Variants in PDE4D observed in about 807,000 individuals in gnomAD.
PDE4D encodes the protein 3',5'-cyclic-AMP phosphodiesterase 4D.
In PDE4D, 24 loss-of-function variants were observed where a neutral mutation model predicts 87.4. The observed-to-expected ratio is 0.27, with a 90% CI of 0.20 to 0.39. The LOEUF (loss-of-function observed/expected upper bound fraction) is 0.39. PDE4D is among the 10% of genes least tolerant of loss of function. The pLI is 1.00. For missense variants in PDE4D, 714 were observed against 1,041.0 expected (o/e 0.69, Z 4.32); for synonymous variants, 384 against 383.2 (o/e 1.00, Z -0.02).
intron 6 of PDE4D, among the ~76,000 whole-genome samples, chr5:59,008,824 T>A (rs564626880): frequency 6.6e-6 from 1 of 152,078 alleles, no homozygotes; most frequent in African/African-American, 2.4e-5. Flanking sequence ...AAAATGCATA[T>A]CAAATAAAGG....
At chr5:60,455,595 G>A (rs1746408799) in intron 1 of PDE4D, among the ~76,000 whole-genome samples, 1 of 152,114 alleles carries the variant, frequency 6.6e-6, no homozygotes, top group Admixed American at 6.5e-5. Flanking sequence ...CAATTTGCTA[G>A]AACACATCCA....
At chr5:59,890,077 G>A (rs1456397393) in intron 1 of PDE4D, among the ~76,000 whole-genome samples, 1 of 152,080 alleles carries the variant, frequency 6.6e-6, no homozygotes, top group Non-Finnish European at 1.5e-5. Flanking sequence ...TTTCAGCCAA[G>A]ATAATATCTG....
intron 1 of PDE4D, among the ~76,000 whole-genome samples, chr5:59,561,231 C>G (rs1352371296): frequency 6.6e-6 from 1 of 152,166 alleles, no homozygotes; most frequent in South Asian, 2.1e-4. Context: ...TTGGCAATCA[C>G]ATGGAGACTG....
At chr5:59,099,426 C>A (rs1770349731) in intron 5 of PDE4D, among the ~76,000 whole-genome samples, 1 of 152,216 alleles carries the variant, frequency 6.6e-6, no homozygotes, top group African/African-American at 2.4e-5. Flanking sequence ...TCAGGCTTTA[C>A]AGTCATAACT....
intron 1 of PDE4D, among the ~76,000 whole-genome samples, chr5:60,516,082 G>A (rs1488012171): frequency 6.6e-6 from 1 of 152,160 alleles, no homozygotes; most frequent in African/African-American, 2.4e-5. Flanking sequence ...TTTCACTTGT[G>A]CTCAGATTAA....
At chr5:59,406,395 TCCCCCCCCC>T (rs3061708) in intron 1 of PDE4D, among the ~76,000 whole-genome samples, 1 of 33,230 alleles carries the variant, frequency 3.0e-5, no homozygotes, top group Non-Finnish European at 5.5e-5. Flanking sequence ...TATCTTTCCT[TCCCCCCCCC>T]CCCCCCCATA....
chr5:59,433,806 A>G (rs1796441063), intron 1 of PDE4D, among the ~76,000 whole-genome samples: 2 of 152,078 alleles, frequency 1.3e-5, no homozygotes, highest in African/African-American at 4.8e-5. Flanking sequence ...AAGCATCTGG[A>G]ACATCAATTT....
chr5:60,165,145 T>G (rs1782777126), intron 2 of PDE4D, among the ~76,000 whole-genome samples: 1 of 152,218 alleles, frequency 6.6e-6, no homozygotes, highest in Non-Finnish European at 1.5e-5. Context: ...TCTCTTTTTG[T>G]GCCTGGCTTA....
At chr5:59,741,798 C>A (rs1349566230) in intron 1 of PDE4D, among the ~76,000 whole-genome samples, 1 of 152,032 alleles carries the variant, frequency 6.6e-6, no homozygotes, top group Non-Finnish European at 1.5e-5. Context: ...GAAGAAAAAG[C>A]TGACTATGGA....
intron 1 of PDE4D, among the ~76,000 whole-genome samples, chr5:59,524,124 G>A (rs1251850524): frequency 2.0e-5 from 3 of 152,194 alleles, no homozygotes; most frequent in Non-Finnish European, 4.4e-5. Flanking sequence ...ATGTGGAAGC[G>A]ACTTTGGAAC....
Position 59,326,698 on chromosome 5 carries a change from A to T in PDE4D, c.456-110730T>A, listed in dbSNP as rs75025239. On this transcript the variant is annotated intron_variant, in intron 1 of 14. Transcript: ENST00000340635. The stretch of plus-strand genomic sequence containing the variant: ...ATTATGCCCTGCACTACAGACATTG[A>T]CATATGTGTAATCTCTAAAACACAT... 5.8e-4 allele frequency among the ~76,000 whole-genome samples: 88 copies of T among 152,216 alleles called. No individual in the cohort carries two copies. In the East Asian group the frequency reaches 0.016, roughly 27 times the overall value.
intron 1 of PDE4D, among the ~76,000 whole-genome samples, chr5:59,733,683 C>T (rs997795789): frequency 2.6e-5 from 4 of 151,960 alleles, no homozygotes; most frequent in African/African-American, 9.7e-5. Context: ...CAACATATGC[C>T]TAATCATCAA....
At chr5:59,658,244 TA>T (rs928662722) in intron 1 of PDE4D, among the ~76,000 whole-genome samples, 3 of 151,416 alleles carry the variant, frequency 2.0e-5, no homozygotes, top group Admixed American at 6.6e-5. Flanking sequence ...ACTTATAGAT[TA>T]AAAAAAAACC....
intron 1 of PDE4D, among the ~76,000 whole-genome samples, chr5:59,865,010 A>G (rs988900569): frequency 3.9e-5 from 6 of 152,184 alleles, no homozygotes; most frequent in African/African-American, 1.4e-4. Flanking sequence ...AGGTCACCTA[A>G]GACTCTTTCT....
intron 1 of PDE4D, among the ~76,000 whole-genome samples, chr5:60,437,503 G>A (rs1478573157): frequency 6.6e-6 from 1 of 152,106 alleles, no homozygotes; most frequent in Non-Finnish European, 1.5e-5. Flanking sequence ...TTGAAAGTTA[G>A]TGGTGGGTAT....
In PDE4D at chr5:60,420,724, G is replaced by A. The variant is rs764419909; in HGVS notation, c.-90+67218C>T. ...GGACAGTGGGTGCAGCCCATGGAGC[G>A]GGAGCCAGCGCAGGGTGGGGCATCG... On this transcript the variant is annotated intron_variant, in intron 1 of 16. Coordinates refer to the PDE4D transcript ENST00000502484. 7.9e-5 allele frequency among the ~76,000 whole-genome samples: 12 copies of A among 152,340 alleles called. 1 individual carries two copies. Among genetic ancestry groups the A allele is most frequent in the Non-Finnish European group, 1.2e-4 (8 of 68,024 alleles).
chr5:59,710,112 T>A (rs298096), intron 1 of PDE4D, among the ~76,000 whole-genome samples: 64,400 of 151,976 alleles, frequency 0.42, 14,335 homozygotes, highest in East Asian at 0.68. Flanking sequence ...TAAACAATTA[T>A]ACAACGAACC....
In PDE4D at chr5:59,893,153, G is replaced by A; in HGVS notation, c.455+15C>T. ...ACCCTTTGCCTGAATGGGGGAGGGG[G>A]CGCTCTCCACTCACCGCCTGAGTCC... On this transcript the variant is annotated intron_variant, in intron 1 of 14. Transcript: ENST00000340635. The A allele has an allele frequency of 6.4e-7, 1 of 1,550,482 alleles. No individual in the cohort carries two copies. Among genetic ancestry groups the A allele is most frequent in the Non-Finnish European group, 8.7e-7 (1 of 1,147,062 alleles).
At chr5:59,022,803 T>C (rs951268494) in intron 6 of PDE4D, among the ~76,000 whole-genome samples, 6 of 152,244 alleles carry the variant, frequency 3.9e-5, no homozygotes, top group Non-Finnish European at 8.8e-5. Context: ...AATTATACTT[T>C]GCTGAAATTG....
Sources: allele counts gnomAD v4.1 joint callset (sites outside exome capture counted in the v4.1 genomes callset), GRCh38; gene constraint gnomAD v4.1.1; transcripts MANE v1.5; gene names NCBI Gene and HGNC (gene_info 2026-07-23, HGNC 2026-07-21).